The following CLN6 variants were observed in gnomAD, a reference collection of about 807,000 sequenced individuals.
The protein encoded by CLN6 is ceroid-lipofuscinosis neuronal protein 6.
A neutral mutation model predicts 33.3 loss-of-function variants in CLN6; 22 were observed. The observed-to-expected ratio is 0.66, with a 90% CI of 0.47 to 0.94. The LOEUF (loss-of-function observed/expected upper bound fraction) is 0.94. Among genes scored for constraint, CLN6 ranks in the 40% least tolerant of loss-of-function variants. CLN6 has a pLI of 0.00. For missense variants in CLN6, 387 were observed against 417.1 expected (o/e 0.93, Z 0.63); for synonymous variants, 201 against 174.6 (o/e 1.15, Z -1.19).
intron 1 of CLN6, among the ~76,000 whole-genome samples, chr15:68,222,057 G>A (rs1377179289): frequency 3.0e-5 from 4 of 135,132 alleles, no homozygotes; most frequent in Non-Finnish European, 6.2e-5. Context: ...GAGCGCCTCT[G>A]CCCGGCCACC....
rs1376402742 is a variant in CLN6, at chr15:68,254,878, G to A, written c.179+1812C>T. On this transcript the variant is annotated intron_variant, in intron 1 of 6. Coordinates refer to the CLN6 transcript ENST00000538696. ...TGCCCAAACAGACCAGACACAGAAA[G>A]CTGAAGGTGCTGCAGATGCCAAGTG... The A allele has an allele frequency of 6.2e-6, 7 of 1,129,078 alleles. No individual in the cohort carries two copies. In the East Asian group the frequency reaches 1.4e-4, roughly 23 times the overall value. The allele number at this position is 1,129,078 out of a possible 1,614,324, so 69.9% of individuals were successfully genotyped here. A position where few individuals can be genotyped will look rare whatever the true frequency, so the allele number is the denominator to read the frequency against.
chr15:68,210,750 GAGTTCTGAAGAGGGGGGA>G lies in CLN6; in HGVS notation c.542+495_542+512del. ...TAGGTAGGAAAAGGTGCCCCTCTGGGAGTTCTGAAGAGGGGGGAGCGCAAACAGCACGCCCCTCCCCAG... is the reference window on the plus strand; with the variant it reads ...TAGGTAGGAAAAGGTGCCCCTCTGGGGCGCAAACAGCACGCCCCTCCCCAG... On this transcript the variant is annotated intron_variant, in intron 5 of 6. Coordinates refer to ENST00000249806, the MANE Select transcript of CLN6 (RefSeq NM_017882.3). The surrounding 1 kb of genome is among the most constrained non-coding windows in gnomAD (Gnocchi z 5.6). Among the ~76,000 whole-genome samples the G allele has an allele frequency of 6.6e-6, 1 of 152,150 alleles. No individual in the cohort carries two copies. Among genetic ancestry groups the G allele is most frequent in the Non-Finnish European group, 1.5e-5 (1 of 68,008 alleles).
rs534458918 is a variant in CLN6 at position 68,235,816 on chromosome 15, T to G, written c.180-17166A>C. Among the ~76,000 whole-genome samples the G allele has an allele frequency of 5.9e-5, 9 of 152,186 alleles. No homozygotes were observed. The East Asian group carries it at 1.7e-3, about 29-fold the overall frequency. On this transcript the variant is annotated intron_variant, in intron 1 of 6. Transcript: ENST00000538696. ...TGGAACCCAATTATTCATTCAACAA[T>G]GATTTGTTAAGCACCTGTTAGATTT...
Position 68,219,936 on chromosome 15 carries a change from A to G in CLN6, c.84-1286T>C, listed in dbSNP as rs2093231000. ...AGGCCCTGGTCCATGCTCAGCAACTACTGGCTGATTAAAACAGTCACAACG... is the reference window on the plus strand; with the variant it reads ...AGGCCCTGGTCCATGCTCAGCAACTGCTGGCTGATTAAAACAGTCACAACG... On this transcript the variant is annotated intron_variant, in intron 1 of 6. Transcript: ENST00000249806. The surrounding 1 kb of genome is among the most constrained non-coding windows in gnomAD (Gnocchi z 4.2). Among the ~76,000 whole-genome samples the G allele has an allele frequency of 6.6e-6, 1 of 152,344 alleles. No homozygotes were observed. The highest frequency in any genetic ancestry group is 2.1e-4 in the South Asian group (1 of 4,830).
In CLN6 at chr15:68,211,591, C is replaced by T. The variant is rs760049747; in HGVS notation, c.486+84G>A. On this transcript the variant is annotated intron_variant, in intron 4 of 6. Transcript: ENST00000249806. The surrounding 1 kb of genome is among the most constrained non-coding windows in gnomAD (Gnocchi z 5.9). ...GCCTTTGGTGAAAGGACAGGTGCGG[C>T]GAGGGGTGGGGGCCATTTCTTCAGC... The T allele has an allele frequency of 1.8e-5, 29 of 1,603,108 alleles. No individual in the cohort carries two copies. Among genetic ancestry groups the T allele is most frequent in the African/African-American group, 9.4e-5 (7 of 74,864 alleles).
chr15:68,237,200 G>C (rs1028370484), intron 1 of CLN6, among the ~76,000 whole-genome samples: 2 of 149,472 alleles, frequency 1.3e-5, no homozygotes, highest in Non-Finnish European at 3.0e-5. Context: ...CTGAATGGAG[G>C]CCAGGCACAA....
At chr15:68,250,841 G>C (rs923038009) in intron 1 of CLN6, among the ~76,000 whole-genome samples, 1 of 151,930 alleles carries the variant, frequency 6.6e-6, no homozygotes, top group African/African-American at 2.4e-5. Flanking sequence ...TCACCATAAA[G>C]TAAAAAAATC....
rs2093255974 is a variant in CLN6 at position 68,227,572 on chromosome 15, C to T, written c.83+1930G>A. ...CCCTGGGAGACAGAGAGCTCCCACC[C>T]TCACACCACCCCCCTGGGAATACCC... is the stretch of plus-strand genomic sequence containing the variant. On this transcript the variant is annotated intron_variant, in intron 1 of 6. Coordinates refer to ENST00000249806, the MANE Select transcript of CLN6 (RefSeq NM_017882.3). The surrounding 1 kb of genome is among the most constrained non-coding windows in gnomAD (Gnocchi z 4.1). Among the ~76,000 whole-genome samples, 1 of 152,140 alleles carries T rather than the reference C, an allele frequency of 6.6e-6. No individual in the cohort carries two copies. The highest frequency in any genetic ancestry group is 2.4e-5 in the African/African-American group (1 of 41,438).
chr15:68,226,046 G>A (rs763728886), intron 1 of CLN6, among the ~76,000 whole-genome samples: 19 of 151,998 alleles, frequency 1.3e-4, no homozygotes, highest in South Asian at 2.1e-4. Context: ...TTGGCTGGGC[G>A]CGGTGGCTCA....
In CLN6 at chr15:68,219,043, C is replaced by T. The variant is rs1480034354; in HGVS notation, c.84-393G>A. On this transcript the variant is annotated intron_variant, in intron 1 of 6. Coordinates refer to ENST00000249806, the MANE Select transcript of CLN6 (RefSeq NM_017882.3). The surrounding 1 kb of genome is among the most constrained non-coding windows in gnomAD (Gnocchi z 4.2). ...ACTATATCCCAGGCACTACTGTTAG[C>T]TGTTTACATGTATTATCTCATTTAA... Among the ~76,000 whole-genome samples the T allele has an allele frequency of 6.6e-6, 1 of 152,216 alleles. No homozygotes were observed. The highest frequency in any genetic ancestry group is 1.5e-5 in the Non-Finnish European group (1 of 68,046).
In CLN6 at chr15:68,242,573, A is replaced by G. The variant is rs911737786; in HGVS notation, c.179+14117T>C. On this transcript the variant is annotated intron_variant, in intron 1 of 6. Transcript: ENST00000538696. The surrounding 1 kb of genome is among the most constrained non-coding windows in gnomAD (Gnocchi z 5.0). ...ATAAATAAATAAATAAGGAAAAGAA[A>G]AATAAGTGCTTAAATAAAATATTTT... Among the ~76,000 whole-genome samples the G allele has an allele frequency of 2.6e-5, 4 of 152,292 alleles. No homozygotes were observed. Among genetic ancestry groups the G allele is most frequent in the East Asian group, 3.9e-4 (2 of 5,192 alleles).
At position 68,222,349 on chromosome 15, in the gene CLN6, G is replaced by A. The variant is rs192324609; in HGVS notation, c.84-3699C>T. Among the ~76,000 whole-genome samples, 71 of 146,368 alleles carry A rather than the reference G, an allele frequency of 4.9e-4. 1 individual carries two copies. The East Asian group carries it at 0.012, about 24-fold the overall frequency. On this transcript the variant is annotated intron_variant, in intron 1 of 6. Transcript: ENST00000249806. ...GCTGCCCATCGTCTGTCTGGGAGGT[G>A]AGAAGCGCCTCTGCCCGGCCGCCCC...
At chr15:68,222,367 GCCGCCCCGTCTGGGAGGTGAGGAGCGTCT>G (rs2093239674) in intron 1 of CLN6, among the ~76,000 whole-genome samples, 1 of 143,346 alleles carries the variant, frequency 7.0e-6, no homozygotes, top group Admixed American at 7.1e-5. Context: ...CCTCTGCCCG[GCCGCCCCGTCTGGGAGGTGAGGAGCGTCT>G]CTGCCCGGCT....
Position 68,208,263 on chromosome 15 carries a change from C to T in CLN6, c.813G>A (p.Leu271=). Residue 271 remains leucine, a synonymous_variant, in exon 7 of 7, where the codon TTG becomes TTA. Transcript: ENST00000249806. This position sits in a 1 kb window ranked among gnomAD's most constrained non-coding sequence, Gnocchi z 5.8. The part of the protein sequence containing the change: ...FLFSSFALTL[L]LVALWVAWLW... ...GCCAGGCGACCCAGAGCGCCACAAG[C>T]AAGAGGGTCAGTGCGAAGGAGGAGA... is the stretch of plus-strand genomic sequence containing the variant. 6.2e-7 allele frequency: 1 copy of T among 1,614,082 alleles called. No homozygotes were observed.
rs1225250776 is a variant in CLN6, at chr15:68,211,041, G to A, written c.542+222C>T. On this transcript the variant is annotated intron_variant, in intron 5 of 6. Coordinates refer to ENST00000249806, the MANE Select transcript of CLN6 (RefSeq NM_017882.3). This position sits in a 1 kb window ranked among gnomAD's most constrained non-coding sequence, Gnocchi z 5.9. ...GGGTGGCGATGCTGGGGGGATGCTG[G>A]CTGGAAGCCGGGGCCTGGAGCCTGG... Among the ~76,000 whole-genome samples the A allele has an allele frequency of 6.6e-6, 1 of 152,202 alleles. No homozygotes were observed. Among genetic ancestry groups the A allele is most frequent in the Admixed American group, 6.5e-5 (1 of 15,290 alleles).
Position 68,220,428 on chromosome 15 carries a change from C to T in CLN6, c.84-1778G>A, listed in dbSNP as rs1033149360. Among the ~76,000 whole-genome samples, 3 of 152,188 alleles carry T rather than the reference C, an allele frequency of 2.0e-5. No homozygotes were observed. The highest frequency in any genetic ancestry group is 4.4e-5 in the Non-Finnish European group (3 of 68,032). On this transcript the variant is annotated intron_variant, in intron 1 of 6. Transcript: ENST00000249806. This position sits in a 1 kb window ranked among gnomAD's most constrained non-coding sequence, Gnocchi z 4.2. ...CCACCCACTGCTTCTTCTGGTAAGA[C>T]ATGATATTTTCTTAGCCACAGGAAG...
chr15:68,221,003 TTA>T (rs1413073801), intron 1 of CLN6, among the ~76,000 whole-genome samples: 16 of 772 alleles, frequency 0.021, no homozygotes, highest in African/African-American at 0.094. Context: ...TTTTATTTTA[TTA>T]TTATTATTAT....
chr15:68,229,850 GC>G (rs983649444), upstream of CLN6: 1 of 266,022 alleles, frequency 3.8e-6, no homozygotes, highest in African/African-American at 2.3e-5. Flanking sequence ...TGGCGTCCTC[GC>G]GGGGCGGGGG....
chr15:68,240,037 G>T (rs1317716934), intron 1 of CLN6, among the ~76,000 whole-genome samples: 3 of 152,080 alleles, frequency 2.0e-5, no homozygotes, highest in Non-Finnish European at 2.9e-5. Flanking sequence ...AATCATAAAA[G>T]AAATAAAAAG....
Sources: gnomAD v4.1 joint callset for allele counts (sites outside exome capture counted in the v4.1 genomes callset) on GRCh38, gnomAD v4.1.1 for gene constraint, Gnocchi (gnomAD v3.1) non-coding constraint, MANE v1.5 for transcripts, NCBI Gene and HGNC (gene_info 2026-07-23, HGNC 2026-07-21) for gene names.